Variants in ZNF454 observed in about 807,000 individuals in gnomAD.
The protein encoded by ZNF454 is zinc finger protein 454.
A neutral mutation model predicts 48.2 loss-of-function variants in ZNF454; 30 were observed. The observed-to-expected ratio is 0.62, with a 90% confidence interval of 0.47 to 0.84. The LOEUF (loss-of-function observed/expected upper bound fraction) is 0.84. Among genes scored for constraint, ZNF454 ranks in the 40% least tolerant of loss-of-function variants. The pLI, the probability that ZNF454 is intolerant of heterozygous loss-of-function variation, is 0.00. For synonymous variants in ZNF454, 204 were observed against 211.4 expected (o/e 0.97, Z 0.30); for missense variants, 510 against 623.1 (o/e 0.82, Z 1.93).
the ZNF454 span, chr5:178,985,915 CCAT>C: frequency 1.7e-6 from 1 of 589,886 alleles, no homozygotes; most frequent in Non-Finnish European, 3.0e-6. Context: ...GCACGCACCA[CCAT>C]GCCTGGCTAA....
chr5:178,964,638 T>G lies in ZNF454; in HGVS notation c.251-17T>G. 6.3e-7 allele frequency: 1 copy of G among 1,587,444 alleles called. No individual in the cohort carries two copies. Among genetic ancestry groups the G allele is most frequent in the Non-Finnish European group, 8.6e-7 (1 of 1,160,646 alleles). Reference sequence around the variant, plus strand: ...TGCTAGGGTAAAACAGACATTTTTATTTTTAATGTCTTTCAGACTGGATGA... The same window carrying G: ...TGCTAGGGTAAAACAGACATTTTTAGTTTTAATGTCTTTCAGACTGGATGA... On this transcript the variant is annotated splice_polypyrimidine_tract_variant and intron_variant, in intron 4 of 4. Coordinates refer to ENST00000519564, the MANE Select transcript of ZNF454 (RefSeq NM_001178089.3).
chr5:178,963,063 C>T (rs559931187), intron 4 of ZNF454, among the ~76,000 whole-genome samples: 1 of 151,892 alleles, frequency 6.6e-6, no homozygotes, highest in African/African-American at 2.4e-5. Flanking sequence ...TAACTTTAAT[C>T]TTTTGCCCTG....
the ZNF454 span, chr5:178,987,412 C>A: frequency 2.2e-6 from 1 of 459,128 alleles, no homozygotes; most frequent in Non-Finnish European, 4.4e-6. Flanking sequence ...GCAACCCGAG[C>A]GTCCACTGAC....
At chr5:178,985,460 T>C in the ZNF454 span, among the ~76,000 whole-genome samples, 1 of 150,852 alleles carries the variant, frequency 6.6e-6, no homozygotes, top group African/African-American at 2.4e-5. Flanking sequence ...TCCCAGCACT[T>C]TGGGAGGCCG....
At chr5:178,989,206 T>TCACCCCCCTCCCCCCCCCC in the ZNF454 span, 6 of 218,564 alleles carry the variant, frequency 2.7e-5, no homozygotes, top group South Asian at 5.7e-5. Context: ...GCCTTCCCCC[T>TCACCCCCCTCCCCCCCCCC]CCCCACCCTC....
chr5:178,951,168 G>GT (rs1226518261), intron 4 of ZNF454, among the ~76,000 whole-genome samples: 41 of 151,976 alleles, frequency 2.7e-4, no homozygotes, highest in African/African-American at 9.2e-4. Context: ...TTAAAGAACT[G>GT]TTTCTTATTT....
the ZNF454 span, chr5:178,986,931 C>A: frequency 4.3e-6 from 7 of 1,614,136 alleles, no homozygotes; most frequent in Middle Eastern, 1.6e-4. Context: ...AGATGTCGTA[C>A]CGCCCGGGCG....
the ZNF454 span, among the ~76,000 whole-genome samples, chr5:178,982,576 C>CAAAAAAAAAAAAAAAA: frequency 5.0e-5 from 1 of 20,168 alleles, no homozygotes; most frequent in Non-Finnish European, 7.7e-5. Context: ...GACTCTGTCT[C>CAAAAAAAAAAAAAAAA]AAAAAAAAAA....
chr5:178,974,417 C>T, the ZNF454 span, among the ~76,000 whole-genome samples: 1 of 152,110 alleles, frequency 6.6e-6, no homozygotes, highest in South Asian at 2.1e-4. Flanking sequence ...CTCTGGGGTT[C>T]AAGCGATTCT....
downstream of ZNF454, among the ~76,000 whole-genome samples, chr5:178,971,352 T>C (rs561666735): frequency 3.5e-4 from 53 of 152,262 alleles, no homozygotes; most frequent in South Asian, 1.0e-3. Context: ...GTGAATTGTT[T>C]AGACTGGCTA....
At chr5:178,953,973 G>T (rs1759650903) in intron 4 of ZNF454, among the ~76,000 whole-genome samples, 1 of 152,070 alleles carries the variant, frequency 6.6e-6, no homozygotes. Context: ...TAAAATTCCT[G>T]CCCAACCAGG....
Position 178,964,876 on chromosome 5 carries a change from A to C in ZNF454, c.472A>C (p.Thr158Pro), listed in dbSNP as rs1370121625. 2 of 1,614,122 alleles carry C rather than the reference A, an allele frequency of 1.2e-6. No homozygotes were observed. Among genetic ancestry groups the C allele is most frequent in the Non-Finnish European group, 1.7e-6 (2 of 1,180,062 alleles). The change falls in exon 5 of 5, where the codon ACT becomes CCT. Residue 158 changes from threonine (T) to proline (P), a missense_variant. By Grantham distance (38) the Thr-to-Pro change is conservative. Transcript: ENST00000519564. ...PSQECDESGS[T>P]MSSSLHSDQS... ...ACAGGAATGTGATGAATCCGGGAGC[A>C]CTATGAGCTCATCTCTTCACAGTGA...
the ZNF454 span, chr5:178,986,108 C>T: frequency 1.9e-6 from 3 of 1,608,834 alleles, no homozygotes; most frequent in East Asian, 2.2e-5. Flanking sequence ...CTGCCCTGGC[C>T]CTTGGGAGCC....
chr5:178,950,992 T>C (rs111845553), intron 4 of ZNF454, among the ~76,000 whole-genome samples: 4,025 of 152,092 alleles, frequency 0.026, 87 homozygotes, highest in South Asian at 0.072. Context: ...CCAGAAGAGC[T>C]GGGACTACCG....
At chr5:178,981,944 G>T in the ZNF454 span, 1 of 889,954 alleles carries the variant, frequency 1.1e-6, no homozygotes, top group Non-Finnish European at 1.9e-6. This position sits in a 1 kb window ranked among gnomAD's most constrained non-coding sequence, Gnocchi z 5.1. Flanking sequence ...CTGGAGCTGA[G>T]TCTGTTTCAG....
the ZNF454 span, chr5:178,985,635 A>T: frequency 1.6e-5 from 6 of 374,554 alleles, no homozygotes; most frequent in Admixed American, 1.0e-4. Context: ...CCCGGAAGGC[A>T]GAGCTTGCAG....
chr5:178,974,614 G>A, the ZNF454 span, among the ~76,000 whole-genome samples: 20 of 152,280 alleles, frequency 1.3e-4, no homozygotes, highest in East Asian at 2.3e-3. Context: ...CACCGCGCCC[G>A]GCCTCTAATG....
intron 4 of ZNF454, among the ~76,000 whole-genome samples, chr5:178,955,055 A>G (rs1759694636): frequency 6.6e-6 from 1 of 152,190 alleles, no homozygotes; most frequent in Non-Finnish European, 1.5e-5. Flanking sequence ...TTGTGGGCAT[A>G]TGTTCTCATT....
chr5:178,983,567 T>C, the ZNF454 span: 2 of 462,022 alleles, frequency 4.3e-6, no homozygotes, highest in Non-Finnish European at 8.5e-6. Context: ...ACTGCGCCCC[T>C]TCAAGGTAGA....
Sources: gnomAD v4.1 joint callset for allele counts (sites outside exome capture counted in the v4.1 genomes callset) on GRCh38, gnomAD v4.1.1 for gene constraint, Gnocchi (gnomAD v3.1) non-coding constraint, MANE v1.5 for transcripts, NCBI Gene and HGNC (gene_info 2026-07-23, HGNC 2026-07-21) for gene names.